The following TLK1 variants were observed in gnomAD, a reference collection of about 807,000 sequenced individuals.
TLK1 encodes the protein serine/threonine-protein kinase tousled-like 1.
TLK1 carries 24 observed loss-of-function variants against 105.3 expected under a neutral mutation model. The observed-to-expected ratio is 0.23, with a 90% confidence interval of 0.17 to 0.32. The LOEUF (loss-of-function observed/expected upper bound fraction) is 0.32, where lower values mean the gene tolerates loss of function less well. Among genes scored for constraint, TLK1 ranks in the 10% least tolerant of loss-of-function variants. The pLI is 1.00. For synonymous variants in TLK1, 321 were observed against 310.4 expected, an observed-to-expected ratio of 1.03 and a Z score of -0.36; for missense variants, 558 against 910.5, an observed-to-expected ratio of 0.61 and a Z score of 4.98.
At chr2:171,134,479 G>T (rs1273468926) in intron 1 of TLK1, among the ~76,000 whole-genome samples, 1 of 152,064 alleles carries the variant, frequency 6.6e-6, no homozygotes, top group African/African-American at 2.4e-5. Context: ...CAAAGAATCT[G>T]AACAGACATT....
intron 1 of TLK1, among the ~76,000 whole-genome samples, chr2:171,135,108 C>CA (rs1261571199): frequency 1.3e-5 from 2 of 151,976 alleles, no homozygotes; most frequent in Admixed American, 6.6e-5. Context: ...TCAAAGGACA[C>CA]AAAGTTTGAG....
At chr2:171,139,810 G>C in intron 1 of TLK1, among the ~76,000 whole-genome samples, 1 of 148,824 alleles carries the variant, frequency 6.7e-6, no homozygotes, top group Non-Finnish European at 1.5e-5. Context: ...CCATGGACCA[G>C]GGGTGGGGTG....
chr2:171,010,312 T>G (rs561539180), intron 14 of TLK1, among the ~76,000 whole-genome samples: 104 of 152,230 alleles, frequency 6.8e-4, no homozygotes, highest in Non-Finnish European at 1.3e-3. Context: ...GGCAATGTTA[T>G]ATACTGAGGT....
chr2:171,048,985 GTAACTA>G (rs1173006903), intron 10 of TLK1, among the ~76,000 whole-genome samples: 2 of 152,132 alleles, frequency 1.3e-5, no homozygotes, highest in Non-Finnish European at 2.9e-5. Flanking sequence ...AGAAAATATG[GTAACTA>G]TAATTCCTCT....
chr2:171,046,182 T>C lies in TLK1; in HGVS notation c.1161A>G (p.Leu387=), dbSNP rs752494322. The part of the protein sequence containing the change: ...AENDPFVRPN[L]PQLLTLAEYH... ...TTTAAATGGAGGCTTACAGTTGTGGTAAATTTGGTCTAACAAAGGGATCAT... is the reference window on the plus strand; with the variant it reads ...TTTAAATGGAGGCTTACAGTTGTGGCAAATTTGGTCTAACAAAGGGATCAT... The change falls in exon 11 of 21, where the codon TTA becomes TTG. Residue 387 remains leucine (L), a synonymous_variant. Transcript: ENST00000431350. 5.1e-6 allele frequency: 8 copies of C among 1,571,036 alleles called. No homozygotes were observed. The highest frequency in any genetic ancestry group is 4.8e-5 in the South Asian group (4 of 82,592).
At chr2:171,040,999 T>A (rs1402523238) in intron 11 of TLK1, among the ~76,000 whole-genome samples, 5 of 152,198 alleles carry the variant, frequency 3.3e-5, no homozygotes, top group African/African-American at 1.2e-4. Context: ...CTGTGAAACA[T>A]GCAACATGTA....
At chr2:171,198,530 G>A (rs940427476) in intron 1 of TLK1, among the ~76,000 whole-genome samples, 1 of 152,196 alleles carries the variant, frequency 6.6e-6, no homozygotes, top group African/African-American at 2.4e-5. Flanking sequence ...GGATTGGAGT[G>A]GATTTGGATA....
intron 2 of TLK1, among the ~76,000 whole-genome samples, chr2:171,108,160 C>T (rs1690014027): frequency 6.6e-6 from 1 of 151,246 alleles, no homozygotes; most frequent in Admixed American, 6.6e-5. Flanking sequence ...ACAAATTAAG[C>T]AAAACTGTTT....
At chr2:171,186,860 C>A (rs1195121078) in intron 1 of TLK1, among the ~76,000 whole-genome samples, 5 of 151,778 alleles carry the variant, frequency 3.3e-5, no homozygotes, top group Admixed American at 6.6e-5. Flanking sequence ...GAGTTTGAGG[C>A]CAGCCTGGCC....
At chr2:171,002,568 C>A (rs1301098791) in intron 18 of TLK1, among the ~76,000 whole-genome samples, 1 of 151,972 alleles carries the variant, frequency 6.6e-6, no homozygotes, top group Non-Finnish European at 1.5e-5. Flanking sequence ...GCCACCGCGC[C>A]TGGCCTGCTT....
At chr2:171,158,668 A>G (rs1023684893) in intron 1 of TLK1, among the ~76,000 whole-genome samples, 1 of 152,242 alleles carries the variant, frequency 6.6e-6, no homozygotes, top group African/African-American at 2.4e-5. Context: ...TTTTAAACTC[A>G]TAACACTAAC....
intron 5 of TLK1, among the ~76,000 whole-genome samples, chr2:171,057,065 C>T (rs1453606853): frequency 1.3e-5 from 2 of 151,988 alleles, no homozygotes; most frequent in African/African-American, 4.8e-5. Context: ...GGTCCCTTCC[C>T]TCTAACAGCA....
At chr2:171,195,364 A>T (rs542091226) in intron 1 of TLK1, among the ~76,000 whole-genome samples, 3 of 151,744 alleles carry the variant, frequency 2.0e-5, no homozygotes, top group African/African-American at 7.3e-5. Flanking sequence ...TTAGCCGGGC[A>T]TGGTGGTGGG....
intron 10 of TLK1, among the ~76,000 whole-genome samples, chr2:171,047,874 G>A (rs183678075): frequency 6.6e-5 from 10 of 152,092 alleles, no homozygotes; most frequent in Admixed American, 2.6e-4. Flanking sequence ...AATTATAAAC[G>A]GCTTGATATA....
At chr2:171,061,986 G>A (rs7560590) in intron 3 of TLK1, among the ~76,000 whole-genome samples, 138,375 of 152,216 alleles carry the variant, frequency 0.91, 64,233 homozygotes, top group East Asian at 1. Context: ...AAAGTCGCAA[G>A]CATCTGGCTT....
intron 1 of TLK1, among the ~76,000 whole-genome samples, chr2:171,224,030 C>T (rs1213424574): frequency 6.6e-6 from 1 of 152,078 alleles, no homozygotes; most frequent in Admixed American, 6.5e-5. Context: ...TTGCCCCGAC[C>T]AATGCTATGG....
At chr2:171,189,140 G>A (rs1033235038) in intron 1 of TLK1, among the ~76,000 whole-genome samples, 18 of 150,968 alleles carry the variant, frequency 1.2e-4, no homozygotes, top group African/African-American at 4.4e-4. Flanking sequence ...AACATTGAAA[G>A]ATCAACTCAA....
chr2:171,057,789 A>G (rs1259619436), intron 5 of TLK1, among the ~76,000 whole-genome samples: 2 of 152,062 alleles, frequency 1.3e-5, no homozygotes, highest in Non-Finnish European at 2.9e-5. Flanking sequence ...CTAGTGTTCT[A>G]TTATTGCTCA....
chr2:171,167,165 G>A (rs187669720), intron 1 of TLK1, among the ~76,000 whole-genome samples: 40 of 152,288 alleles, frequency 2.6e-4, no homozygotes, highest in Admixed American at 2.2e-3. Flanking sequence ...GTGGGAGTAC[G>A]GAGGTATGTT....
Sources: gnomAD v4.1 joint callset for allele counts (sites outside exome capture counted in the v4.1 genomes callset) on GRCh38, gnomAD v4.1.1 for gene constraint, MANE v1.5 for transcripts, NCBI Gene and HGNC (gene_info 2026-07-23, HGNC 2026-07-21) for gene names.